Variants in MDN1 observed in about 807,000 individuals in gnomAD.
MDN1 encodes midasin.
A neutral mutation model predicts 669.2 loss-of-function variants in MDN1; 266 were observed. That is an observed-to-expected ratio of 0.40 (90% CI 0.36 to 0.44). The LOEUF (loss-of-function observed/expected upper bound fraction) is 0.44. Ranked by LOEUF, MDN1 falls within the 20% of genes least tolerant of loss-of-function variation. The probability of loss-of-function intolerance (pLI) is 1.00; values close to 1 mark genes in which losing one functional copy is unlikely to be tolerated. For missense variants in MDN1, 5,940 were observed against 6,754.0 expected, an observed-to-expected ratio of 0.88 and a Z score of 4.22; for synonymous variants, 2,385 against 2,457.1, an observed-to-expected ratio of 0.97 and a Z score of 0.87.
intron 2 of MDN1, among the ~76,000 whole-genome samples, chr6:89,798,871 G>C (rs1819753596): frequency 6.6e-6 from 1 of 152,184 alleles, no homozygotes; most frequent in Non-Finnish European, 1.5e-5. Context: ...TCAGGGTGGA[G>C]AGGACCTTTA....
In MDN1 at chr6:89,793,910, A is replaced by G. The variant is rs755803270; in HGVS notation, c.707T>C (p.Val236Ala). The G allele has an allele frequency of 6.8e-6, 11 of 1,613,904 alleles. No individual in the cohort carries two copies. In the African/African-American group the frequency reaches 1.2e-4, roughly 18 times the overall value. ...AQLQDLEKAL[V>A]LANPEVSLWR... ...AAGGGAGACTTCTGGATTGGCCAAA[A>G]CCAAGGCCTTCTCCAAGTCCTGCAA... The change falls in exon 5 of 102, where the codon GTT (valine) becomes GCT (alanine). Residue 236 changes from valine to alanine, a missense_variant. Transcript: ENST00000369393.
chr6:89,804,133 C>G (rs946328838), intron 1 of MDN1, among the ~76,000 whole-genome samples: 17 of 151,258 alleles, frequency 1.1e-4, no homozygotes, highest in African/African-American at 4.1e-4. Flanking sequence ...TGGTCTCGAA[C>G]TCCTGGCCAG....
chr6:89,802,511 C>T (rs1487769083), intron 2 of MDN1, among the ~76,000 whole-genome samples: 2 of 152,096 alleles, frequency 1.3e-5, no homozygotes, highest in African/African-American at 2.4e-5. Context: ...GGTGAAACCC[C>T]GTCTCTACTA....
intron 93 of MDN1, 104 bp downstream of exon 93, chr6:89,654,060 G>A: frequency 2.3e-6 from 3 of 1,306,822 alleles, no homozygotes; most frequent in Non-Finnish European, 3.2e-6. Context: ...TCTAAGCCAT[G>A]GATTAGGACA....
chr6:89,759,007 A>C, intron 17 of MDN1, 47 bp from the exon 18 acceptor site: 1 of 1,572,040 alleles, frequency 6.4e-7, no homozygotes, highest in East Asian at 2.3e-5. Context: ...AAATAAAGGC[A>C]CACTTGCCAA....
At position 89,723,079 on chromosome 6, in the gene MDN1, A is replaced by G; in HGVS notation, c.5843T>C (p.Leu1948Pro). ...CTGACACCAGCGGAAAAGGTCCCGG[A>G]GGTTGAATTCCCAGGGTCCTCCTTT... Reference protein sequence around the residue: ...GQKGGPWEFNLRDLFRWCQLM... With the variant: ...GQKGGPWEFNPRDLFRWCQLM... Residue 1948 changes from leucine to proline, a missense_variant, in exon 40 of 102, where the codon CTC becomes CCC. Coordinates refer to ENST00000369393, the MANE Select transcript of MDN1 (RefSeq NM_014611.3). The G allele has an allele frequency of 6.2e-7, 1 of 1,614,138 alleles. No homozygotes were observed. Among genetic ancestry groups the G allele is most frequent in the Non-Finnish European group, 8.5e-7 (1 of 1,179,982 alleles).
In MDN1 at chr6:89,761,707, G is replaced by A. The variant is rs1446677913; in HGVS notation, c.2398C>T (p.Leu800Phe). The A allele has an allele frequency of 1.2e-6, 2 of 1,612,104 alleles. No homozygotes were observed. The highest frequency in any genetic ancestry group is 2.7e-5 in the African/African-American group (2 of 74,864). ...TTCATCTGTTGTTGGGCATGGTTGA[G>A]TCTAAGACCAAATGCTTCCCATTTC... ...KEKWEAFGLR[L>F]NHAQQQMKMT... Residue 800 changes from leucine to phenylalanine, a missense_variant, in exon 17 of 102, where the codon CTC becomes TTC. Physicochemically the swap from Leu to Phe is conservative, Grantham distance 22. This residue lies in a region of MDN1 where 1,203 missense variants were observed against 1,268.9 expected (regional missense o/e 0.95). Coordinates refer to ENST00000369393, the MANE Select transcript of MDN1 (RefSeq NM_014611.3).
At position 89,787,910 on chromosome 6, in the gene MDN1, A is replaced by G; in HGVS notation, c.1278T>C (p.Pro426=). The G allele has an allele frequency of 1.9e-6, 3 of 1,613,784 alleles. No homozygotes were observed. The change falls in exon 8 of 102, where the codon CCT becomes CCC. Residue 426 remains proline (P), a synonymous_variant. Coordinates refer to ENST00000369393, the MANE Select transcript of MDN1 (RefSeq NM_014611.3). The part of the protein sequence containing the change: ...PLLENGELLI[P]GRGDCLKVAP... ...CCACTTTCAGACAGTCACCTCGGCC[A>G]GGAATCAAGAGCTCTCCATTCTCCA...
chr6:89,752,051 T>C (rs9342207), intron 22 of MDN1, among the ~76,000 whole-genome samples: 6,601 of 152,306 alleles, frequency 0.043, 672 homozygotes, highest in East Asian at 0.39. Context: ...TTGTGGATGA[T>C]GGCATCACTT....
In MDN1 at chr6:89,786,260, A is replaced by C. The variant is rs138781508; in HGVS notation, c.1335-1134T>G. ...ATGACAGAGTGAGACTCGGTCTCAAAAAAAATTAATTAAATAAAATAAAAA... is the reference window on the plus strand; with the variant it reads ...ATGACAGAGTGAGACTCGGTCTCAACAAAAATTAATTAAATAAAATAAAAA... On this transcript the variant is annotated intron_variant, in intron 8 of 101. Coordinates refer to ENST00000369393, the MANE Select transcript of MDN1 (RefSeq NM_014611.3). 4.3e-3 allele frequency among the ~76,000 whole-genome samples: 655 copies of C among 152,170 alleles called. 8 individuals are homozygous for C. The highest frequency in any genetic ancestry group is 5.1e-3 in the Non-Finnish European group (346 of 68,022).
rs540811554 is a variant in MDN1 at position 89,649,132 on chromosome 6, T to C, written c.16207-803A>G. Among the ~76,000 whole-genome samples, 71 of 152,322 alleles carry C rather than the reference T, an allele frequency of 4.7e-4. 1 individual carries two copies. Among genetic ancestry groups the C allele is most frequent in the African/African-American group, 1.7e-3 (69 of 41,570 alleles). ...CCAATTTAAAATCCATTCATATATA[T>C]GTAGTCAGATCAGACTGTAGAACTA... On this transcript the variant is annotated intron_variant, in intron 97 of 101. Coordinates refer to ENST00000369393, the MANE Select transcript of MDN1 (RefSeq NM_014611.3).
chr6:89,781,366 A>T (rs1395805792), intron 10 of MDN1, 33 bp downstream of exon 10: 4 of 1,597,876 alleles, frequency 2.5e-6, no homozygotes, highest in Non-Finnish European at 2.6e-6. Flanking sequence ...AAAAAAAGAA[A>T]GAAAGAAAAG....
At chr6:89,806,622 G>A (rs1268190363) in intron 1 of MDN1, among the ~76,000 whole-genome samples, 1 of 152,128 alleles carries the variant, frequency 6.6e-6, no homozygotes, top group Non-Finnish European at 1.5e-5. Context: ...GGAGGCTGGG[G>A]CAGGAAAACG....
chr6:89,793,451 G>A (rs776330238), intron 5 of MDN1, among the ~76,000 whole-genome samples: 30 of 152,244 alleles, frequency 2.0e-4, no homozygotes, highest in Non-Finnish European at 4.3e-4. Flanking sequence ...AGTGGCTCAC[G>A]CCTGTAATCC....
At position 89,714,452 on chromosome 6, in the gene MDN1, T is replaced by G. The variant is rs1455802986; in HGVS notation, c.7069+91A>C. The stretch of plus-strand genomic sequence containing the variant: ...CCTGATAATTTCTATATACACTAAA[T>G]GTACGAAATCTTTGATGAGCAGTCC... On this transcript the variant is annotated intron_variant, in intron 46 of 101. Coordinates refer to ENST00000369393, the MANE Select transcript of MDN1 (RefSeq NM_014611.3). 3.5e-6 allele frequency: 4 copies of G among 1,130,706 alleles called. No homozygotes were observed. In the Admixed American group the frequency reaches 7.4e-5, roughly 21 times the overall value. The allele number at this position is 1,130,706 out of a possible 1,614,324, so 70.0% of individuals were successfully genotyped here. A position where few individuals can be genotyped will look rare whatever the true frequency, so the allele number is the denominator to read the frequency against.
In MDN1 at chr6:89,690,174, T is replaced by TA. The variant is rs769766934; in HGVS notation, c.10750-32dup. On this transcript the variant is annotated intron_variant, in intron 64 of 101. Transcript: ENST00000369393. Reference sequence around the variant, plus strand: ...AATAGCATTAGAGCAATTGAACTTTTAAAAATCAGAATCTACTTCTAATCA... The same window carrying TA: ...AATAGCATTAGAGCAATTGAACTTTTAAAAAATCAGAATCTACTTCTAATCA... 5 of 1,600,638 alleles carry TA rather than the reference T, an allele frequency of 3.1e-6. No individual in the cohort carries two copies. The South Asian group carries it at 5.6e-5, about 18-fold the overall frequency.
In MDN1 at chr6:89,728,970, T is replaced by C; in HGVS notation, c.5310A>G (p.Ser1770=). The C allele has an allele frequency of 6.2e-7, 1 of 1,614,146 alleles. No homozygotes were observed. The highest frequency in any genetic ancestry group is 8.5e-7 in the Non-Finnish European group (1 of 1,180,006). The stretch of plus-strand genomic sequence containing the variant: ...AGTTGATTCTAACAAGGGTATTTCC[T>C]GAAGCCTTTGCTAATGCTCCCACCA... ...TSLVGALAKA[S]GNTLVRINLS... The change falls in exon 36 of 102, where the codon TCA becomes TCG. Residue 1770 remains serine, a synonymous_variant. Coordinates refer to ENST00000369393, the MANE Select transcript of MDN1 (RefSeq NM_014611.3).
At position 89,712,061 on chromosome 6, in the gene MDN1, T is replaced by G. The variant is rs748649761; in HGVS notation, c.7626A>C (p.Leu2542Phe). The change falls in exon 49 of 102, where the codon TTA becomes TTC. Residue 2542 changes from leucine to phenylalanine, a missense_variant. Physicochemically the swap from Leu to Phe is conservative, Grantham distance 22. Around this residue, in one of 5 missense-constraint regions of MDN1, gnomAD observed 2,292 missense variants for 2,638.3 expected, o/e 0.87. Transcript: ENST00000369393. ...CAAGCCCCTGCGGTATATTCTTGGC[T>G]AAATGATAAAGCCATTTAACTCTGA... Reference protein sequence around the residue: ...WMLRVKWLYHLAKNIPQGLES... With the variant: ...WMLRVKWLYHFAKNIPQGLES... The G allele has an allele frequency of 2.5e-6, 4 of 1,614,110 alleles. No individual in the cohort carries two copies. Among genetic ancestry groups the G allele is most frequent in the Non-Finnish European group, 3.4e-6 (4 of 1,179,966 alleles).
Position 89,727,998 on chromosome 6 carries a change from A to C in MDN1, c.5350-43T>G, listed in dbSNP as rs749311959. On this transcript the variant is annotated intron_variant, in intron 36 of 101. Coordinates refer to ENST00000369393, the MANE Select transcript of MDN1 (RefSeq NM_014611.3). Reference sequence around the variant, plus strand: ...ATGGAAAGAAGCCATTATTACTTTAAAAATCAACTGGATTCTAACACCCTA... The same window carrying C: ...ATGGAAAGAAGCCATTATTACTTTACAAATCAACTGGATTCTAACACCCTA... The C allele has an allele frequency of 5.7e-6, 9 of 1,568,416 alleles. No individual in the cohort carries two copies. The African/African-American group carries it at 1.2e-4, about 21-fold the overall frequency.
Sources: gnomAD v4.1 joint callset for allele counts (sites outside exome capture counted in the v4.1 genomes callset) on GRCh38, gnomAD v4.1.1 for gene constraint, gnomAD v4.1.1 regional missense constraint, MANE v1.5 for transcripts, NCBI Gene and HGNC (gene_info 2026-07-23, HGNC 2026-07-21) for gene names.